Variants in ERBB4 observed in about 807,000 individuals in gnomAD.
ERBB4 encodes the protein erb-b2 receptor tyrosine kinase 4.
Under a neutral mutation model 158.0 loss-of-function variants are expected in ERBB4, and 42 were observed. That is an observed-to-expected ratio of 0.27 (90% confidence interval 0.21 to 0.34). ERBB4 has a LOEUF of 0.34. ERBB4 is among the 10% of genes least tolerant of loss of function. The pLI is 1.00. For synonymous variants in ERBB4, 583 were observed against 558.7 expected, an observed-to-expected ratio of 1.04 and a Z score of -0.61; for missense variants, 1,333 against 1,624.1, an observed-to-expected ratio of 0.82 and a Z score of 3.08.
intron 16 of ERBB4, 63 bp from the exon 17 acceptor site, chr2:211,630,657 GAA>G (rs2070081269): frequency 2.1e-6 from 3 of 1,402,246 alleles, no homozygotes; most frequent in Non-Finnish European, 3.0e-6. Flanking sequence ...CAGAGGAAGA[GAA>G]AAGAGCAGTT....
At chr2:211,453,924 A>C (rs1473905224) in intron 20 of ERBB4, among the ~76,000 whole-genome samples, 1 of 152,230 alleles carries the variant, frequency 6.6e-6, no homozygotes, top group Non-Finnish European at 1.5e-5. Flanking sequence ...AGTTTTAGGA[A>C]TAGTAAAAAT....
intron 19 of ERBB4, among the ~76,000 whole-genome samples, chr2:211,605,409 A>G (rs2068944703): frequency 6.6e-6 from 1 of 152,156 alleles, no homozygotes; most frequent in Non-Finnish European, 1.5e-5. Context: ...GATGGAACAT[A>G]TTAAGAAAAA....
At chr2:211,755,355 G>A (rs1194383442) in intron 4 of ERBB4, among the ~76,000 whole-genome samples, 5 of 151,934 alleles carry the variant, frequency 3.3e-5, no homozygotes, top group African/African-American at 4.8e-5. Context: ...TGCAAAAATC[G>A]GTCGGGCTTG....
intron 3 of ERBB4, among the ~76,000 whole-genome samples, chr2:211,834,504 G>C (rs1402336854): frequency 6.6e-6 from 1 of 151,580 alleles, no homozygotes; most frequent in East Asian, 1.9e-4. Context: ...AAGAAGGGGG[G>C]TAGGGGCAAC....
At chr2:211,690,465 C>A (rs2072762888) in intron 12 of ERBB4, among the ~76,000 whole-genome samples, 1 of 152,084 alleles carries the variant, frequency 6.6e-6, no homozygotes, top group African/African-American at 2.4e-5. Context: ...CTAATGCCTC[C>A]CTAAGTCTTT....
intron 7 of ERBB4, among the ~76,000 whole-genome samples, chr2:211,717,059 C>G (rs1471850405): frequency 6.6e-6 from 1 of 152,156 alleles, no homozygotes; most frequent in Non-Finnish European, 1.5e-5. Context: ...CCTGGTACTT[C>G]TGCTCTCACC....
chr2:212,398,395 G>A (rs1485697257), intron 1 of ERBB4, among the ~76,000 whole-genome samples: 2 of 152,164 alleles, frequency 1.3e-5, no homozygotes, highest in East Asian at 1.9e-4. Context: ...AAAAGCTGAT[G>A]TCACTTAAAG....
intron 19 of ERBB4, among the ~76,000 whole-genome samples, chr2:211,585,755 T>C (rs997965237): frequency 9.2e-5 from 14 of 152,106 alleles, no homozygotes; most frequent in Admixed American, 5.9e-4. Context: ...AGGTAAAGCA[T>C]AGGTACCTAT....
At chr2:212,507,342 C>A (rs938326303) in intron 1 of ERBB4, among the ~76,000 whole-genome samples, 1 of 152,034 alleles carries the variant, frequency 6.6e-6, no homozygotes, top group African/African-American at 2.4e-5. Flanking sequence ...ATCTATTCTG[C>A]CGCTCATTAC....
chr2:211,966,048 CAA>C (rs993940662), intron 2 of ERBB4, among the ~76,000 whole-genome samples: 12 of 151,824 alleles, frequency 7.9e-5, no homozygotes, highest in African/African-American at 2.7e-4. Context: ...CCTCTCTCTA[CAA>C]AAAAATGTCA....
At chr2:211,628,182 T>C (rs1404372682) in intron 17 of ERBB4, among the ~76,000 whole-genome samples, 1 of 151,602 alleles carries the variant, frequency 6.6e-6, no homozygotes, top group Non-Finnish European at 1.5e-5. Context: ...TTTTTAATTA[T>C]TATACTTTAA....
chr2:212,363,180 A>G (rs2089756504), intron 1 of ERBB4, among the ~76,000 whole-genome samples: 1 of 151,410 alleles, frequency 6.6e-6, no homozygotes, highest in South Asian at 2.1e-4. Flanking sequence ...AAGGTATCCT[A>G]TGGTTGTAAT....
At chr2:212,533,680 G>C (rs988504858) in intron 1 of ERBB4, among the ~76,000 whole-genome samples, 3 of 152,142 alleles carry the variant, frequency 2.0e-5, no homozygotes, top group African/African-American at 7.2e-5. Context: ...TTTTAACTCT[G>C]ACTGCCAATA....
intron 3 of ERBB4, among the ~76,000 whole-genome samples, chr2:211,903,164 CA>C (rs1297183874): frequency 6.6e-6 from 1 of 151,566 alleles, no homozygotes; most frequent in Admixed American, 6.6e-5. Flanking sequence ...GATTGAGTGG[CA>C]AATAAATGTT....
At chr2:211,957,274 A>G (rs985498206) in intron 2 of ERBB4, among the ~76,000 whole-genome samples, 1 of 152,090 alleles carries the variant, frequency 6.6e-6, no homozygotes, top group African/African-American at 2.4e-5. Context: ...AGTGTTTTTC[A>G]AAGAAGAAAA....
chr2:212,275,350 T>C (rs2085491590), intron 1 of ERBB4, among the ~76,000 whole-genome samples: 1 of 151,970 alleles, frequency 6.6e-6, no homozygotes, highest in Admixed American at 6.6e-5. Flanking sequence ...ATCGCCACAC[T>C]GTCTCCCACA....
intron 3 of ERBB4, among the ~76,000 whole-genome samples, chr2:211,822,706 G>A (rs187691419): frequency 6.5e-4 from 97 of 149,852 alleles, no homozygotes; most frequent in Middle Eastern, 3.4e-3. Flanking sequence ...ATAATTATTT[G>A]ATAGAATATT....
At chr2:211,855,367 C>T (rs2077829790) in intron 3 of ERBB4, among the ~76,000 whole-genome samples, 1 of 152,070 alleles carries the variant, frequency 6.6e-6, no homozygotes, top group African/African-American at 2.4e-5. Flanking sequence ...CAATCTTTTG[C>T]TTCATAATTA....
intron 20 of ERBB4, among the ~76,000 whole-genome samples, chr2:211,525,665 G>C (rs1180937678): frequency 2.6e-5 from 4 of 152,130 alleles, no homozygotes; most frequent in Non-Finnish European, 4.4e-5. Flanking sequence ...TTTAGGCCTT[G>C]GTTCTTGGAT....
Sources: allele counts gnomAD v4.1 joint callset (sites outside exome capture counted in the v4.1 genomes callset), GRCh38; gene constraint gnomAD v4.1.1; transcripts MANE v1.5; gene names NCBI Gene and HGNC (gene_info 2026-07-23, HGNC 2026-07-21).